ANKRD29: variants seen among roughly 807,000 people sequenced by gnomAD.
ANKRD29 encodes the protein ankyrin repeat domain 29, also known as ankyrin repeat domain-containing protein 29.
ANKRD29 carries 32 observed loss-of-function variants against 38.0 expected under a neutral mutation model. That is an observed-to-expected ratio of 0.84 (90% CI 0.64 to 1.13). The LOEUF (loss-of-function observed/expected upper bound fraction) is 1.13. Among genes scored for constraint, ANKRD29 ranks in the 50% most tolerant of loss-of-function variants. The pLI is 0.00. For missense variants in ANKRD29, 357 were observed against 377.9 expected (o/e 0.94, Z 0.46); for synonymous variants, 135 against 152.4 (o/e 0.89, Z 0.84).
chr18:23,629,001 T>C (rs1169237253), intron 6 of ANKRD29, among the ~76,000 whole-genome samples: 1 of 152,270 alleles, frequency 6.6e-6, no homozygotes, highest in African/African-American at 2.4e-5. Context: ...TACTCTTTTT[T>C]TGAGACAGAG....
intron 9 of ANKRD29, among the ~76,000 whole-genome samples, chr18:23,604,689 C>G (rs1235161522): frequency 6.6e-6 from 1 of 152,142 alleles, no homozygotes; most frequent in Non-Finnish European, 1.5e-5. Context: ...TGCCACCACA[C>G]CTGGCTAATT....
chr18:23,622,269 G>A (rs113834430), intron 6 of ANKRD29, among the ~76,000 whole-genome samples: 2,025 of 152,230 alleles, frequency 0.013, 15 homozygotes, highest in Non-Finnish European at 0.02. Context: ...CTTCATGCAG[G>A]GTGGGAAATC....
intron 1 of ANKRD29, among the ~76,000 whole-genome samples, chr18:23,650,139 C>T (rs1406312295): frequency 1.3e-5 from 2 of 151,530 alleles, no homozygotes; most frequent in Non-Finnish European, 2.9e-5. Context: ...TCCTTCATTC[C>T]ACTGTTGGAT....
In ANKRD29 at chr18:23,619,550, T is replaced by C. The variant is rs1298127425; in HGVS notation, c.608A>G (p.Asp203Gly). 6.3e-7 allele frequency: 1 copy of C among 1,594,856 alleles called. No individual in the cohort carries two copies. The highest frequency in any genetic ancestry group is 1.1e-5 in the South Asian group (1 of 90,554). The change falls in exon 7 of 10, where the codon GAC (aspartate) becomes GGC (glycine). Residue 203 changes from aspartate to glycine, a missense_variant. Asp to Gly is a moderately conservative substitution (Grantham distance 94). Transcript: ENST00000592179. ...ACTCACGTTCCGCGCAGCGTCGCGGTCGGCTCCGCGCAGCAGCATCACCCG... is the reference window on the plus strand; with the variant it reads ...ACTCACGTTCCGCGCAGCGTCGCGGCCGGCTCCGCGCAGCAGCATCACCCG... The part of the protein sequence containing the change: ...VVRVMLLRGA[D>G]RDAARNDGTT...
chr18:23,647,324 T>A (rs757633325), intron 2 of ANKRD29: 1 of 152,208 alleles, frequency 6.6e-6, no homozygotes, highest in Non-Finnish European at 1.5e-5. Flanking sequence ...AACATAGTAA[T>A]GGTAGATATT....
At position 23,599,395 on chromosome 18, in the gene ANKRD29, C is replaced by T. The variant is rs948361439; in HGVS notation, c.*1831G>A. On this transcript the variant is annotated 3_prime_UTR_variant, in exon 10 of 10. Coordinates refer to ENST00000592179, the MANE Select transcript of ANKRD29 (RefSeq NM_173505.4). ...GAAAAACAGTAAGTTTGTGATTCAT[C>T]CCATTTTGGCTTTTGGAACTTTGTT... 1 of 152,228 alleles carries T rather than the reference C, an allele frequency of 6.6e-6. No individual in the cohort carries two copies. Among genetic ancestry groups the T allele is most frequent in the Non-Finnish European group, 1.5e-5 (1 of 68,046 alleles). The allele number at this position is 152,228 out of a possible 1,614,324, so 9.4% of individuals were successfully genotyped here.
chr18:23,628,854 T>C (rs1416904858), intron 6 of ANKRD29, among the ~76,000 whole-genome samples: 1 of 147,486 alleles, frequency 6.8e-6, no homozygotes, highest in Admixed American at 6.7e-5. Context: ...AAAAAAAAAG[T>C]TAATCTGGAC....
intron 7 of ANKRD29, 28 bp downstream of exon 7, chr18:23,619,503 T>G: frequency 6.4e-7 from 1 of 1,559,896 alleles, no homozygotes. Flanking sequence ...GAGGCTTCGC[T>G]CTTTGGCCGC....
At chr18:23,641,507 G>A (rs1310763912) in intron 3 of ANKRD29, among the ~76,000 whole-genome samples, 1 of 152,242 alleles carries the variant, frequency 6.6e-6, no homozygotes, top group Non-Finnish European at 1.5e-5. Context: ...TGACATGCCA[G>A]CCTTGCCCCC....
intron 6 of ANKRD29, among the ~76,000 whole-genome samples, chr18:23,624,027 GT>G (rs1389545031): frequency 6.6e-6 from 1 of 152,014 alleles, no homozygotes; most frequent in African/African-American, 2.4e-5. Flanking sequence ...TTTTTGTAGA[GT>G]TTTGGAATGT....
At chr18:23,602,105 C>T (rs148547303) in intron 9 of ANKRD29, among the ~76,000 whole-genome samples, 3,746 of 151,536 alleles carry the variant, frequency 0.025, 148 homozygotes, top group African/African-American at 0.086. Flanking sequence ...GGTGTGACCT[C>T]GGCTCACTGC....
At chr18:23,656,092 CAAAAA>C (rs1288367761) in intron 1 of ANKRD29, among the ~76,000 whole-genome samples, 1 of 64,510 alleles carries the variant, frequency 1.6e-5, no homozygotes, top group Non-Finnish European at 3.5e-5. Context: ...GACTCCGTCT[CAAAAA>C]AAAAAAAAAA....
At chr18:23,630,465 A>C (rs1339626921) in intron 5 of ANKRD29, among the ~76,000 whole-genome samples, 1 of 151,814 alleles carries the variant, frequency 6.6e-6, no homozygotes, top group Non-Finnish European at 1.5e-5. Flanking sequence ...AAATAAAAAT[A>C]CAAAAATTAG....
chr18:23,633,172 T>C (rs2059955453), intron 5 of ANKRD29, among the ~76,000 whole-genome samples: 1 of 152,232 alleles, frequency 6.6e-6, no homozygotes. Flanking sequence ...CGACAATCAA[T>C]TGAAAGGCCC....
At chr18:23,611,351 T>A (rs1464350820) in intron 9 of ANKRD29, among the ~76,000 whole-genome samples, 2 of 152,078 alleles carry the variant, frequency 1.3e-5, no homozygotes, top group East Asian at 3.9e-4. Context: ...TGCTCTCCCT[T>A]TCTTCCTCGC....
chr18:23,622,810 A>T (rs1034502364), intron 6 of ANKRD29, among the ~76,000 whole-genome samples: 1 of 152,126 alleles, frequency 6.6e-6, no homozygotes, highest in East Asian at 1.9e-4. Context: ...CAAGTGATCC[A>T]CCCGCCTTGG....
intron 9 of ANKRD29, among the ~76,000 whole-genome samples, chr18:23,601,816 TG>T (rs1253339080): frequency 6.6e-6 from 1 of 151,896 alleles, no homozygotes; most frequent in African/African-American, 2.4e-5. Context: ...ACCACAGATG[TG>T]CACCACTATG....
chr18:23,617,690 C>T (rs767318095), intron 8 of ANKRD29, 42 bp downstream of exon 8: 19 of 1,549,446 alleles, frequency 1.2e-5, no homozygotes, highest in Non-Finnish European at 1.7e-5. Context: ...TACTTTCTAA[C>T]CTCTCTCTTA....
intron 1 of ANKRD29, 49 bp downstream of exon 1, chr18:23,662,661 G>A: frequency 2.3e-6 from 2 of 869,272 alleles, no homozygotes; most frequent in Non-Finnish European, 3.0e-6. Flanking sequence ...CGCGGGCCCG[G>A]CCGCCCGAGC....
Sources: gnomAD v4.1 joint callset for allele counts (sites outside exome capture counted in the v4.1 genomes callset) on GRCh38, gnomAD v4.1.1 for gene constraint, MANE v1.5 for transcripts, NCBI Gene and HGNC (gene_info 2026-07-23, HGNC 2026-07-21) for gene names.